The following ROBO2 variants were observed in gnomAD, a reference collection of about 807,000 sequenced individuals.
The protein encoded by ROBO2 is roundabout guidance receptor 2.
In ROBO2, 53 loss-of-function variants were observed where a neutral mutation model predicts 160.8. The observed-to-expected ratio is 0.33, with a 90% CI of 0.26 to 0.41. The LOEUF is 0.41. Among genes scored for constraint, ROBO2 ranks in the 10% least tolerant of loss-of-function variants. ROBO2 has a pLI of 1.00. For synonymous variants in ROBO2, 664 were observed against 611.7 expected, an observed-to-expected ratio of 1.09 and a Z score of -1.26; for missense variants, 1,577 against 1,722.4, an observed-to-expected ratio of 0.92 and a Z score of 1.49.
At chr3:76,038,428 T>A (rs1038251240) in intron 2 of ROBO2, among the ~76,000 whole-genome samples, 8 of 152,010 alleles carry the variant, frequency 5.3e-5, no homozygotes, top group African/African-American at 1.7e-4. Context: ...CATCTTAGAA[T>A]GAGATTACAT....
chr3:77,425,669 C>CTTTTTT (rs756195644), intron 2 of ROBO2, among the ~76,000 whole-genome samples: 3 of 140,630 alleles, frequency 2.1e-5, no homozygotes, highest in Non-Finnish European at 1.6e-5. Context: ...CAATATGACT[C>CTTTTTT]TTTTTTTTTT....
At chr3:75,961,752 T>C (rs1453709086) in intron 2 of ROBO2, among the ~76,000 whole-genome samples, 1 of 151,678 alleles carries the variant, frequency 6.6e-6, no homozygotes, top group Non-Finnish European at 1.5e-5. Flanking sequence ...AAATATTGTA[T>C]TAAAATATTG....
intron 2 of ROBO2, among the ~76,000 whole-genome samples, chr3:76,826,658 T>C (rs2066615096): frequency 6.6e-6 from 1 of 152,156 alleles, no homozygotes; most frequent in Non-Finnish European, 1.5e-5. Context: ...TAACGATATA[T>C]GACACATTAA....
intron 2 of ROBO2, among the ~76,000 whole-genome samples, chr3:75,937,841 T>TTTTATATATATA (rs1222398160): frequency 9.5e-6 from 1 of 105,508 alleles, no homozygotes; most frequent in East Asian, 2.9e-4. Context: ...GGAATTGATT[T>TTTTATATATATA]TATATATATA....
At chr3:76,629,116 A>G (rs1249836374) in intron 2 of ROBO2, among the ~76,000 whole-genome samples, 23 of 152,208 alleles carry the variant, frequency 1.5e-4, no homozygotes, top group Admixed American at 1.5e-3. Context: ...ACTGAGAAAA[A>G]GTAACTAGAT....
chr3:76,019,356 G>T (rs902042671), intron 2 of ROBO2, among the ~76,000 whole-genome samples: 1 of 151,426 alleles, frequency 6.6e-6, no homozygotes, highest in African/African-American at 2.4e-5. Context: ...ACATGGTTCG[G>T]TTTTCTCTGA....
intron 2 of ROBO2, among the ~76,000 whole-genome samples, chr3:77,172,465 G>A (rs1280764339): frequency 6.6e-6 from 1 of 151,864 alleles, no homozygotes; most frequent in Non-Finnish European, 1.5e-5. Context: ...TGCAAATAAC[G>A]GTATGAAAAT....
intron 2 of ROBO2, among the ~76,000 whole-genome samples, chr3:76,721,707 A>T (rs1012726619): frequency 1.2e-4 from 19 of 152,212 alleles, no homozygotes; most frequent in African/African-American, 4.1e-4. Flanking sequence ...CTAAAAATGT[A>T]CTGCTGTTTC....
intron 15 of ROBO2, 56 bp downstream of exon 16, chr3:77,577,670 A>G: frequency 1.3e-6 from 2 of 1,593,930 alleles, no homozygotes. Flanking sequence ...GAGAAATCTC[A>G]GTGTCTCACG....
chr3:77,571,904 GA>G (rs78462911), intron 13 of ROBO2, among the ~76,000 whole-genome samples: 7,543 of 143,898 alleles, frequency 0.052, 382 homozygotes, highest in East Asian at 0.13. Flanking sequence ...ATTTCGTCCT[GA>G]AAAAAAAAAA....
intron 2 of ROBO2, among the ~76,000 whole-genome samples, chr3:76,255,806 A>G (rs944834784): frequency 2.6e-5 from 4 of 152,206 alleles, no homozygotes; most frequent in Non-Finnish European, 5.9e-5. Context: ...TTCCTGGAAT[A>G]ATAGTATTAA....
chr3:76,528,217 CTT>C (rs1257875690), intron 2 of ROBO2, among the ~76,000 whole-genome samples: 5 of 152,068 alleles, frequency 3.3e-5, no homozygotes, highest in Non-Finnish European at 7.3e-5. Flanking sequence ...TAATGAGAAA[CTT>C]TTGAGCAGAG....
intron 20 of ROBO2, among the ~76,000 whole-genome samples, chr3:77,607,174 A>G (rs1037395285): frequency 6.6e-6 from 1 of 152,210 alleles, no homozygotes; most frequent in Non-Finnish European, 1.5e-5. Context: ...GGAATATTAT[A>G]TGATGTTATG....
chr3:76,587,508 G>A (rs1578343499), intron 2 of ROBO2, among the ~76,000 whole-genome samples: 1 of 152,228 alleles, frequency 6.6e-6, no homozygotes, highest in East Asian at 1.9e-4. Context: ...AGAAGAATGA[G>A]TGCCCAGTGA....
intron 2 of ROBO2, among the ~76,000 whole-genome samples, chr3:76,183,796 G>C (rs986893553): frequency 6.6e-6 from 1 of 151,994 alleles, no homozygotes; most frequent in African/African-American, 2.4e-5. Flanking sequence ...AGTTCTTAGA[G>C]GCTAATGTTG....
At chr3:77,268,723 T>A (rs2059294015) in intron 2 of ROBO2, among the ~76,000 whole-genome samples, 1 of 152,188 alleles carries the variant, frequency 6.6e-6, no homozygotes, top group Admixed American at 6.5e-5. Flanking sequence ...ACAACATCAC[T>A]GCAAGCAAGA....
chr3:76,406,777 TTC>T (rs2075210816), intron 2 of ROBO2, among the ~76,000 whole-genome samples: 1 of 151,970 alleles, frequency 6.6e-6, no homozygotes, highest in Non-Finnish European at 1.5e-5. Context: ...CTGAATCATC[TTC>T]TCTTTTTTGT....
chr3:77,001,073 A>T lies in ROBO2; in HGVS notation c.110-96941A>T, dbSNP rs2061314170. ...ATTTCTAGATACAAGCACCAACTCT[A>T]AAACGGTGAATGTTGGTTTCACCTA... On this transcript the variant is annotated intron_variant, in intron 2 of 26. Transcript: ENST00000487694. 1.3e-5 allele frequency among the ~76,000 whole-genome samples: 2 copies of T among 152,194 alleles called. 1 individual carries two copies. The highest frequency in any genetic ancestry group is 4.1e-4 in the South Asian group (2 of 4,832).
chr3:76,352,727 C>G (rs1576609674), intron 2 of ROBO2, among the ~76,000 whole-genome samples: 1 of 151,872 alleles, frequency 6.6e-6, no homozygotes, highest in East Asian at 1.9e-4. Context: ...CAACTTTGGT[C>G]CTTTATGAGA....
Sources: gnomAD v4.1 joint callset for allele counts (sites outside exome capture counted in the v4.1 genomes callset) on GRCh38, gnomAD v4.1.1 for gene constraint, MANE v1.5 for transcripts, NCBI Gene and HGNC (gene_info 2026-07-23, HGNC 2026-07-21) for gene names.